CPS1: variants seen among roughly 807,000 people sequenced by gnomAD.
The protein encoded by CPS1 is carbamoyl-phosphate synthase 1.
Under a neutral mutation model 174.6 loss-of-function variants are expected in CPS1, and 109 were observed. The observed-to-expected ratio is 0.62, with a 90% CI of 0.53 to 0.73. The LOEUF (loss-of-function observed/expected upper bound fraction) is 0.73, where lower values mean the gene tolerates loss of function less well. CPS1 is among the 30% of genes least tolerant of loss of function. The probability of loss-of-function intolerance (pLI) is 0.00; values close to 1 mark genes in which losing one functional copy is unlikely to be tolerated. For missense variants in CPS1, 1,689 were observed against 1,821.9 expected (o/e 0.93, Z 1.33); for synonymous variants, 637 against 632.0 (o/e 1.01, Z -0.12).
At chr2:210,603,972 C>T (rs965399896) in intron 16 of CPS1, among the ~76,000 whole-genome samples, 42 of 151,834 alleles carry the variant, frequency 2.8e-4, no homozygotes, top group African/African-American at 9.9e-4. Context: ...TTCAAATTTT[C>T]CCTGTATCTA....
intron 1 of CPS1, among the ~76,000 whole-genome samples, chr2:210,549,374 C>T (rs573910874): frequency 6.6e-6 from 1 of 151,804 alleles, no homozygotes; most frequent in African/African-American, 2.4e-5. Flanking sequence ...ATTTTCTTAA[C>T]AGTATTTGCT....
At chr2:210,547,314 G>A (rs930790320) in intron 1 of CPS1, among the ~76,000 whole-genome samples, 1 of 152,030 alleles carries the variant, frequency 6.6e-6, no homozygotes, top group African/African-American at 2.4e-5. Flanking sequence ...TGGCCTCTAA[G>A]CAGAGTTAGC....
intron 33 of CPS1, 125 bp from the exon 34 acceptor site, chr2:210,668,061 T>C (rs1457871063): frequency 1.2e-5 from 8 of 693,626 alleles, no homozygotes; most frequent in South Asian, 9.7e-5. Context: ...TAAAGTACTT[T>C]CCATTTGTGC....
Position 210,512,765 on chromosome 2 carries a change from T to G in CPS1, c.3+34999T>G, listed in dbSNP as rs564067650. On this transcript the variant is annotated intron_variant, in intron 1 of 38. Coordinates refer to the CPS1 transcript ENST00000430249. ...ATATATATATATATATATATATATA[T>G]ATATATATATATATATATATGGAGA... Among the ~76,000 whole-genome samples the G allele has an allele frequency of 1.4e-3, 108 of 74,530 alleles. 5 individuals are homozygous for G. The highest frequency in any genetic ancestry group is 7.4e-3 in the African/African-American group (86 of 11,546). The allele number at this position is 74,530 out of a possible 152,430, so 48.9% of individuals were successfully genotyped here.
chr2:210,631,787 A>G (rs1699879999), intron 21 of CPS1, among the ~76,000 whole-genome samples: 1 of 152,232 alleles, frequency 6.6e-6, no homozygotes, highest in South Asian at 2.1e-4. Context: ...ATATAATAGC[A>G]TATTTTAGAG....
At chr2:210,645,342 G>A (rs1055854115) in intron 25 of CPS1, among the ~76,000 whole-genome samples, 1 of 151,860 alleles carries the variant, frequency 6.6e-6, no homozygotes, top group Non-Finnish European at 1.5e-5. Flanking sequence ...AAAAAAAAAA[G>A]TAGTTTTTTA....
upstream of CPS1, among the ~76,000 whole-genome samples, chr2:210,553,445 A>AT (rs1414323927): frequency 6.6e-6 from 1 of 151,992 alleles, no homozygotes; most frequent in Non-Finnish European, 1.5e-5. Context: ...AAATGCTTCT[A>AT]TTTTTTAAAA....
intron 25 of CPS1, among the ~76,000 whole-genome samples, chr2:210,644,003 C>G (rs1700302879): frequency 6.6e-6 from 1 of 151,936 alleles, no homozygotes; most frequent in African/African-American, 2.4e-5. Context: ...TGTGAAAAGT[C>G]AAATACTAAT....
chr2:210,678,155 C>A lies in CPS1; in HGVS notation c.*170C>A. The stretch of plus-strand genomic sequence containing the variant: ...TTTGCAATTAAATTGTCAGTCACTT[C>A]TTCAAAACCTTACAGTCCTTCCTAA... On this transcript the variant is annotated 3_prime_UTR_variant, in exon 38 of 38. Coordinates refer to ENST00000233072, the MANE Select transcript of CPS1 (RefSeq NM_001875.5). The A allele has an allele frequency of 1.4e-6, 1 of 701,102 alleles. No homozygotes were observed. The highest frequency in any genetic ancestry group is 2.6e-6 in the Non-Finnish European group (1 of 378,124). 43.4% of individuals were successfully genotyped at this position (701,102 alleles called of 1,614,324 possible). A position where few individuals can be genotyped will look rare whatever the true frequency, so the allele number is the denominator to read the frequency against.
intron 15 of CPS1, among the ~76,000 whole-genome samples, chr2:210,601,387 C>T (rs572817270): frequency 6.6e-6 from 1 of 152,044 alleles, no homozygotes; most frequent in Admixed American, 6.6e-5. Flanking sequence ...GAAACAGGCA[C>T]ACCCTTAGGA....
rs541172043 is a variant in CPS1 at position 210,613,795 on chromosome 2, C to T, written c.2568+1502C>T. On this transcript the variant is annotated intron_variant, in intron 20 of 37. Transcript: ENST00000233072. ...AAATGTGTGGAGGTTCTTTCTTTCA[C>T]AGGGTACCCTATGTATGAGCAAGAA... Among the ~76,000 whole-genome samples, 10 of 152,040 alleles carry T rather than the reference C, an allele frequency of 6.6e-5. No homozygotes were observed. In the South Asian group the frequency reaches 1.7e-3, roughly 25 times the overall value.
chr2:210,585,582 A>T (rs1462041680), intron 6 of CPS1, among the ~76,000 whole-genome samples: 2 of 151,984 alleles, frequency 1.3e-5, no homozygotes, highest in African/African-American at 4.8e-5. Context: ...GAATGGCCAT[A>T]GGATTATACA....
chr2:210,676,953 AAACT>A (rs1701555393), intron 36 of CPS1, 50 bp from the exon 37 acceptor site: 6 of 1,573,804 alleles, frequency 3.8e-6, no homozygotes, highest in East Asian at 4.5e-5. Flanking sequence ...AGTATTTTAT[AAACT>A]AACTATAAAA....
rs1232513897 is a variant in CPS1, at chr2:210,637,786, T to C, written c.2772T>C (p.Thr924=). ...AGATTTCAAAATGCCTTGGGCTCACTGAGGCCCAGACAAGGGAGCTGAGGT... is the reference window on the plus strand; with the variant it reads ...AGATTTCAAAATGCCTTGGGCTCACCGAGGCCCAGACAAGGGAGCTGAGGT... The part of the protein sequence containing the change: ...DKQISKCLGL[T]EAQTRELRLK... Residue 924 remains threonine (T), a synonymous_variant, in exon 22 of 38, where the codon ACT becomes ACC. Coordinates refer to ENST00000233072, the MANE Select transcript of CPS1 (RefSeq NM_001875.5). 6.2e-7 allele frequency: 1 copy of C among 1,613,874 alleles called. No individual in the cohort carries two copies. The highest frequency in any genetic ancestry group is 8.5e-7 in the Non-Finnish European group (1 of 1,179,902).
At chr2:210,670,424 C>G (rs1559138474) in intron 34 of CPS1, among the ~76,000 whole-genome samples, 1 of 152,090 alleles carries the variant, frequency 6.6e-6, no homozygotes, top group East Asian at 1.9e-4. Context: ...ACTTACTTGA[C>G]TACTTCTTAG....
chr2:210,478,030 A>C, intron 1 of CPS1, among the ~76,000 whole-genome samples: 1 of 152,190 alleles, frequency 6.6e-6, no homozygotes, highest in East Asian at 1.9e-4. Flanking sequence ...CATTGTTTCT[A>C]ACTTCCATAC....
Position 210,512,861 on chromosome 2 carries a change from TAG to T in CPS1, c.3+35097_3+35098del, listed in dbSNP as rs1491176080. ...ATACATATATGGAGATATATATATATAGATATATATATATAGAGATATATATA... is the reference window on the plus strand; with the variant it reads ...ATACATATATGGAGATATATATATATATATATATATATAGAGATATATATA... On this transcript the variant is annotated intron_variant, in intron 1 of 38. Transcript: ENST00000430249. Among the ~76,000 whole-genome samples the T allele has an allele frequency of 5.0e-3, 232 of 46,200 alleles. 9 individuals carry two copies. The highest frequency in any genetic ancestry group is 9.3e-3 in the Middle Eastern group (1 of 108). The allele number at this position is 46,200 out of a possible 152,430, so 30.3% of individuals were successfully genotyped here. A position where few individuals can be genotyped will look rare whatever the true frequency, so the allele number is the denominator to read the frequency against.
chr2:210,523,578 C>A (rs1695885606), intron 1 of CPS1, among the ~76,000 whole-genome samples: 1 of 151,890 alleles, frequency 6.6e-6, no homozygotes, highest in Non-Finnish European at 1.5e-5. Context: ...TCCCATTTGT[C>A]AATGAGGACA....
At chr2:210,564,142 C>G (rs1005375534) in intron 1 of CPS1, among the ~76,000 whole-genome samples, 1 of 152,100 alleles carries the variant, frequency 6.6e-6, no homozygotes, top group African/African-American at 2.4e-5. Flanking sequence ...TCAGAGCTTG[C>G]AGTATTCTAT....
Sources: gnomAD v4.1 joint callset for allele counts (sites outside exome capture counted in the v4.1 genomes callset) on GRCh38, gnomAD v4.1.1 for gene constraint, MANE v1.5 for transcripts, NCBI Gene and HGNC (gene_info 2026-07-23, HGNC 2026-07-21) for gene names.